The following TINAGL1 variants were observed in gnomAD, a reference collection of about 807,000 sequenced individuals.
TINAGL1 encodes tubulointerstitial nephritis antigen like 1, also known as tubulointerstitial nephritis antigen-like.
TINAGL1 carries 34 observed loss-of-function variants against 62.0 expected under a neutral mutation model. The ratio of observed to expected loss-of-function variants is 0.55; its 90% confidence interval spans 0.42 to 0.73. The LOEUF is 0.73. Ranked by LOEUF, TINAGL1 falls within the 30% of genes least tolerant of loss-of-function variation. TINAGL1 has a pLI of 0.00. For synonymous variants in TINAGL1, 221 were observed against 249.7 expected, an observed-to-expected ratio of 0.88 and a Z score of 1.08; for missense variants, 516 against 653.2, an observed-to-expected ratio of 0.79 and a Z score of 2.29.
rs1639380152 is a variant in TINAGL1 at position 31,585,939 on chromosome 1, C to T, written c.1217+63C>T. On this transcript the variant is annotated intron_variant, in intron 10 of 11. Transcript: ENST00000271064. The surrounding 1 kb of genome is among the most constrained non-coding windows in gnomAD (Gnocchi z 4.3). ...GGGTTTGTGCTAGGGGCTCTGGAGC[C>T]TGCCTTGGGTTCTTACAACCTCTCT... 1 of 1,496,646 alleles carries T rather than the reference C, an allele frequency of 6.7e-7. No homozygotes were observed. Among genetic ancestry groups the T allele is most frequent in the African/African-American group, 1.4e-5 (1 of 71,482 alleles). 92.7% of individuals were successfully genotyped at this position (1,496,646 alleles called of 1,614,324 possible).
In TINAGL1 at chr1:31,577,038, C is replaced by T; in HGVS notation, c.-15-96C>T. On this transcript the variant is annotated intron_variant, in intron 1 of 11. Coordinates refer to ENST00000271064, the MANE Select transcript of TINAGL1 (RefSeq NM_022164.3). This position sits in a 1 kb window ranked among gnomAD's most constrained non-coding sequence, Gnocchi z 5.4. ...GACTCAGGAATCGGGATCTCCCTCCCTGCTGGGCCCTCTTGAACTCACAGC... is the reference window on the plus strand; with the variant it reads ...GACTCAGGAATCGGGATCTCCCTCCTTGCTGGGCCCTCTTGAACTCACAGC... 1.7e-6 allele frequency: 2 copies of T among 1,158,786 alleles called. No individual in the cohort carries two copies. Among genetic ancestry groups the T allele is most frequent in the Non-Finnish European group, 2.3e-6 (2 of 852,016 alleles). The allele number at this position is 1,158,786 out of a possible 1,614,324, so 71.8% of individuals were successfully genotyped here. A position where few individuals can be genotyped will look rare whatever the true frequency, so the allele number is the denominator to read the frequency against.
chr1:31,582,194 G>A (rs1296141648), intron 3 of TINAGL1, among the ~76,000 whole-genome samples: 1 of 152,186 alleles, frequency 6.6e-6, no homozygotes, highest in East Asian at 1.9e-4. Context: ...GCTGGGTGTG[G>A]TGGTGCACTT....
Position 31,584,566 on chromosome 1 carries a change from C to A in TINAGL1, c.583-112C>A. 1 of 1,537,880 alleles carries A rather than the reference C, an allele frequency of 6.5e-7. No homozygotes were observed. Among genetic ancestry groups the A allele is most frequent in the Non-Finnish European group, 8.8e-7 (1 of 1,130,634 alleles). On this transcript the variant is annotated intron_variant, in intron 5 of 11. Coordinates refer to ENST00000271064, the MANE Select transcript of TINAGL1 (RefSeq NM_022164.3). The surrounding 1 kb of genome is among the most constrained non-coding windows in gnomAD (Gnocchi z 4.0). ...GGAATCCTGCAGCAGCAGGAGGGCT[C>A]AAGATTAAACTGCAGAAGGCCCTGG... is the stretch of plus-strand genomic sequence containing the variant.
At chr1:31,586,424 C>T in intron 10 of TINAGL1, 2 of 564,352 alleles carry the variant, frequency 3.5e-6, no homozygotes, top group Non-Finnish European at 6.3e-6. Context: ...AGAACTGGCC[C>T]CTAGGAGGTG....
At chr1:31,580,209 C>CTCTGTCTCTCTCTG (rs1639196956) in intron 3 of TINAGL1, 1 of 559,838 alleles carries the variant, frequency 1.8e-6, no homozygotes, top group African/African-American at 3.3e-5. Flanking sequence ...CTCTCTCTCT[C>CTCTGTCTCTCTCTG]TCTGTCTCTC....
At chr1:31,579,972 A>G (rs2148588164) in intron 3 of TINAGL1, among the ~76,000 whole-genome samples, 1 of 152,242 alleles carries the variant, frequency 6.6e-6, no homozygotes, top group Non-Finnish European at 1.5e-5. Context: ...AGATATTTCC[A>G]TTGCCTCACT....
Position 31,580,162 on chromosome 1 carries a change from GCTCTCTCTCTCTCTCT to G in TINAGL1, c.374+930_374+945del, listed in dbSNP as rs761677862. On this transcript the variant is annotated intron_variant, in intron 3 of 11. Coordinates refer to ENST00000271064, the MANE Select transcript of TINAGL1 (RefSeq NM_022164.3). ...GCTCTGGACGTTGAGGGGTTAATGCGCTCTCTCTCTCTCTCTCTCTCTCTCTCTCTCTCTCTCTCTC... is the reference window on the plus strand; with the variant it reads ...GCTCTGGACGTTGAGGGGTTAATGCGCTCTCTCTCTCTCTCTCTCTCTCTC... 489 of 473,924 alleles carry G rather than the reference GCTCTCTCTCTCTCTCT, an allele frequency of 1.0e-3. 2 individuals are homozygous for G. In the East Asian group the frequency reaches 0.011, roughly 11 times the overall value. 29.4% of individuals were successfully genotyped at this position (473,924 alleles called of 1,614,324 possible).
At chr1:31,579,395 AT>A in intron 3 of TINAGL1, 128 bp downstream of exon 3, 1 of 769,638 alleles carries the variant, frequency 1.3e-6, no homozygotes, top group Non-Finnish European at 2.2e-6. Flanking sequence ...CAGTTTCCTC[AT>A]CTGCAATAGA....
At chr1:31,580,596 C>A (rs1570205677) in intron 3 of TINAGL1, 1 of 1,289,354 alleles carries the variant, frequency 7.8e-7, no homozygotes, top group Non-Finnish European at 1.0e-6. Context: ...CCCAGCAGTG[C>A]CCCCGCCTCT....
chr1:31,586,705 C>G lies in TINAGL1; in HGVS notation c.1218-5C>G, dbSNP rs757189258. ...TCCCTTCCCCCTCCTCTGCTCTGCC[C>G]ACAGATGGGGAGAGGAGACGCTGCC... On this transcript the variant is annotated splice_region_variant and splice_polypyrimidine_tract_variant and intron_variant, in intron 10 of 11. Transcript: ENST00000271064. 73 of 1,558,222 alleles carry G rather than the reference C, an allele frequency of 4.7e-5. 1 individual carries two copies. Among genetic ancestry groups the G allele is most frequent in the Middle Eastern group, 1.7e-4 (1 of 5,992 alleles).
intron 10 of TINAGL1, 169 bp from the exon 11 acceptor site, chr1:31,586,541 G>A: frequency 1.3e-6 from 1 of 746,826 alleles, no homozygotes; most frequent in Non-Finnish European, 2.3e-6. Flanking sequence ...CCGACTTACA[G>A]ATGTGAGAGT....
intron 3 of TINAGL1, chr1:31,580,834 G>A (rs1639225594): frequency 1.7e-6 from 2 of 1,170,766 alleles, no homozygotes; most frequent in Non-Finnish European, 2.2e-6. Flanking sequence ...GCTGAGCTCA[G>A]GAGATGGAGC....
chr1:31,585,526 G>A lies in TINAGL1; in HGVS notation c.1093+41G>A, dbSNP rs770642194. Reference sequence around the variant, plus strand: ...CAGCACCCTGGTTCCAGAAGCTTGTGCCTGCTTGAGAGTGGGCACAGTAGC... The same window carrying A: ...CAGCACCCTGGTTCCAGAAGCTTGTACCTGCTTGAGAGTGGGCACAGTAGC... On this transcript the variant is annotated intron_variant, in intron 9 of 11. Coordinates refer to ENST00000271064, the MANE Select transcript of TINAGL1 (RefSeq NM_022164.3). The surrounding 1 kb of genome is among the most constrained non-coding windows in gnomAD (Gnocchi z 4.3). 4.3e-6 allele frequency: 7 copies of A among 1,611,932 alleles called. No individual in the cohort carries two copies. In the East Asian group the frequency reaches 1.3e-4, roughly 31 times the overall value.
In TINAGL1 at chr1:31,587,280, C is replaced by T. The variant is rs1570224641; in HGVS notation, c.*301C>T. The T allele has an allele frequency of 3.4e-6, 1 of 297,058 alleles. No individual in the cohort carries two copies. The highest frequency in any genetic ancestry group is 2.2e-5 in the African/African-American group (1 of 45,658). The allele number at this position is 297,058 out of a possible 1,614,324, so 18.4% of individuals were successfully genotyped here. A position where few individuals can be genotyped will look rare whatever the true frequency, so the allele number is the denominator to read the frequency against. Reference sequence around the variant, plus strand: ...ACTCAAGACTACCAAAGCCAGGACACCTCAAGTCTCCAGCCCCACTACCCC... The same window carrying T: ...ACTCAAGACTACCAAAGCCAGGACATCTCAAGTCTCCAGCCCCACTACCCC... On this transcript the variant is annotated 3_prime_UTR_variant, in exon 12 of 12. Transcript: ENST00000271064.
Position 31,585,229 on chromosome 1 carries a change from C to T in TINAGL1, c.936C>T (p.His312=). 1 of 1,613,422 alleles carries T rather than the reference C, an allele frequency of 6.2e-7. No individual in the cohort carries two copies. Among genetic ancestry groups the T allele is most frequent in the Non-Finnish European group, 8.5e-7 (1 of 1,179,672 alleles). ...GCCCTGCGCCCCCCTGTATGATGCA[C>T]AGCCGAGCCATGGGTCGGGGCAAGC... The part of the protein sequence containing the change: ...EAGPAPPCMM[H]SRAMGRGKRQ... The change falls in exon 8 of 12, where the codon CAC becomes CAT. Residue 312 remains histidine, a synonymous_variant. Coordinates refer to ENST00000271064, the MANE Select transcript of TINAGL1 (RefSeq NM_022164.3). This position sits in a 1 kb window ranked among gnomAD's most constrained non-coding sequence, Gnocchi z 4.3.
At position 31,583,145 on chromosome 1, in the gene TINAGL1, C is replaced by T. The variant is rs1194497088; in HGVS notation, c.375-4C>T. 1 of 1,614,090 alleles carries T rather than the reference C, an allele frequency of 6.2e-7. No individual in the cohort carries two copies. The highest frequency in any genetic ancestry group is 1.1e-5 in the South Asian group (1 of 91,086). On this transcript the variant is annotated splice_polypyrimidine_tract_variant and splice_region_variant and intron_variant, in intron 3 of 11. Coordinates refer to ENST00000271064, the MANE Select transcript of TINAGL1 (RefSeq NM_022164.3). The surrounding 1 kb of genome is among the most constrained non-coding windows in gnomAD (Gnocchi z 4.4). ...ACCCTTTCCTTCTCTCCTTTTCTCA[C>T]CAGCACCTGCCAGGAGAACAGGCAG...
chr1:31,584,523 TCA>T lies in TINAGL1; in HGVS notation c.583-154_583-153del. The T allele has an allele frequency of 1.6e-6, 2 of 1,248,110 alleles. No homozygotes were observed. The highest frequency in any genetic ancestry group is 2.2e-6 in the Non-Finnish European group (2 of 891,382). The allele number at this position is 1,248,110 out of a possible 1,614,324, so 77.3% of individuals were successfully genotyped here. A position where few individuals can be genotyped will look rare whatever the true frequency, so the allele number is the denominator to read the frequency against. ...ATGGTGCTTGGTTCTTCAACACAAG[TCA>T]AAATTGGAGGCAGCTGGAATCCTGC... On this transcript the variant is annotated intron_variant, in intron 5 of 11. Transcript: ENST00000271064. The surrounding 1 kb of genome is among the most constrained non-coding windows in gnomAD (Gnocchi z 4.0).
At chr1:31,586,799 C>G (rs1340011177) in intron 11 of TINAGL1, 40 bp from the exon 12 acceptor site, 3 of 1,548,224 alleles carry the variant, frequency 1.9e-6, no homozygotes, top group East Asian at 2.4e-5. Flanking sequence ...CCCCTCGCCC[C>G]ACTCCCATTC....
rs199749778 is a variant in TINAGL1, at chr1:31,580,189, C to G, written c.374+922C>G. ...TCTCTCTCTCTCTCTCTCTCTCTCT[C>G]TCTCTCTCTCTCTCTCTCTCTCTGT... On this transcript the variant is annotated intron_variant, in intron 3 of 11. Transcript: ENST00000271064. 846 of 437,142 alleles carry G rather than the reference C, an allele frequency of 1.9e-3. 1 individual carries two copies. Among genetic ancestry groups the G allele is most frequent in the East Asian group, 8.4e-3 (45 of 5,344 alleles). The allele number at this position is 437,142 out of a possible 1,614,324, so 27.1% of individuals were successfully genotyped here. A position where few individuals can be genotyped will look rare whatever the true frequency, so the allele number is the denominator to read the frequency against.
Sources: gnomAD v4.1 joint callset for allele counts (sites outside exome capture counted in the v4.1 genomes callset) on GRCh38, gnomAD v4.1.1 for gene constraint, Gnocchi (gnomAD v3.1) non-coding constraint, MANE v1.5 for transcripts, NCBI Gene and HGNC (gene_info 2026-07-23, HGNC 2026-07-21) for gene names.